KCNA6: variants seen among roughly 807,000 people sequenced by gnomAD.
KCNA6 encodes the protein potassium voltage-gated channel subfamily A member 6, also known as human brain potassium channel-2.
In KCNA6, 17 loss-of-function variants were observed where a neutral mutation model predicts 29.5. The observed-to-expected ratio is 0.58, with a 90% CI of 0.39 to 0.86. The LOEUF (loss-of-function observed/expected upper bound fraction) is 0.86. Among genes scored for constraint, KCNA6 ranks in the 40% least tolerant of loss-of-function variants. The pLI, the probability that KCNA6 is intolerant of heterozygous loss-of-function variation, is 0.00. For synonymous variants in KCNA6, 296 were observed against 304.7 expected (o/e 0.97, Z 0.30); for missense variants, 450 against 703.4 (o/e 0.64, Z 4.07).
Position 4,810,108 on chromosome 12 carries a change from C to T in KCNA6, c.67C>T (p.Gln23Ter). ...GGTCCGTGGGCCGGAGGGAGAGCAA[C>T]AGGATGCGGGAGACTTCCCGGAGGC... The change falls in exon 1 of 1, where the codon CAG (glutamine) becomes TAG (stop). Residue 23 changes from glutamine (Q) to a stop codon, truncating the protein, a stop_gained. Coordinates refer to ENST00000280684, the Ensembl canonical transcript of KCNA6. LOFTEE classifies it high-confidence loss of function. The surrounding 1 kb of genome is among the most constrained non-coding windows in gnomAD (Gnocchi z 7.5). 1 of 1,580,252 alleles carries T rather than the reference C, an allele frequency of 6.3e-7. No homozygotes were observed. The highest frequency in any genetic ancestry group is 8.6e-7 in the Non-Finnish European group (1 of 1,165,380).
downstream of KCNA6, among the ~76,000 whole-genome samples, chr12:4,817,781 T>C (rs1405171956): frequency 6.6e-6 from 1 of 152,206 alleles, no homozygotes; most frequent in African/African-American, 2.4e-5. Flanking sequence ...AACCTCATCA[T>C]TGTTACTCTA....
At chr12:4,827,206 C>CTCCTTCCTTCCCTCCT in the KCNA6 span, among the ~76,000 whole-genome samples, 1 of 113,826 alleles carries the variant, frequency 8.8e-6, no homozygotes, top group African/African-American at 3.5e-5. Context: ...CCTTCCTTCC[C>CTCCTTCCTTCCCTCCT]TCCTTCCTTC....
At chr12:4,825,438 G>A in the KCNA6 span, among the ~76,000 whole-genome samples, 1 of 152,110 alleles carries the variant, frequency 6.6e-6, no homozygotes, top group South Asian at 2.1e-4. Flanking sequence ...TTTTACCACA[G>A]AATCTCCATC....
the KCNA6 span, among the ~76,000 whole-genome samples, chr12:4,823,861 C>T: frequency 6.6e-6 from 1 of 152,194 alleles, no homozygotes; most frequent in Non-Finnish European, 1.5e-5. Flanking sequence ...GTAAGTGATG[C>T]ATTTGCAGGT....
rs1193288500 is a variant in KCNA6, at chr12:4,811,253, G to T, written c.1212G>T (p.Ser404=). The T allele has an allele frequency of 6.2e-7, 1 of 1,614,110 alleles. No individual in the cohort carries two copies. Among genetic ancestry groups the T allele is most frequent in the African/African-American group, 1.3e-5 (1 of 74,952 alleles). The change falls in exon 1 of 1, where the codon TCG becomes TCT. Residue 404 remains serine (S), a synonymous_variant. Transcript: ENST00000280684. This position sits in a 1 kb window ranked among gnomAD's most constrained non-coding sequence, Gnocchi z 7.1. ...TCGCAGAGGCTGACGATGACGATTCGCTTTTTCCCAGCATCCCGGATGCCT... is the reference window on the plus strand; with the variant it reads ...TCGCAGAGGCTGACGATGACGATTCTCTTTTTCCCAGCATCCCGGATGCCT...
chr12:4,833,725 AG>A, the KCNA6 span, among the ~76,000 whole-genome samples: 10 of 152,134 alleles, frequency 6.6e-5, no homozygotes, highest in Non-Finnish European at 1.2e-4. Flanking sequence ...GAAGGCAGGA[AG>A]GGTTGAGCCT....
chr12:4,839,958 A>G, the KCNA6 span, among the ~76,000 whole-genome samples: 2 of 151,912 alleles, frequency 1.3e-5, no homozygotes, highest in Non-Finnish European at 2.9e-5. Context: ...TCTTTTTTAT[A>G]GTTTTCTGAA....
the KCNA6 span, among the ~76,000 whole-genome samples, chr12:4,820,934 A>G: frequency 0.76 from 116,217 of 152,126 alleles, 44,529 homozygotes; most frequent in Middle Eastern, 0.82. Flanking sequence ...ACAGAAGGAA[A>G]CTGTCATAGA....
chr12:4,825,695 A>G, the KCNA6 span, among the ~76,000 whole-genome samples: 12 of 152,388 alleles, frequency 7.9e-5, no homozygotes, highest in South Asian at 2.5e-3. Context: ...GTGATAAAAC[A>G]CATCCTCTTC....
the KCNA6 span, among the ~76,000 whole-genome samples, chr12:4,835,988 G>A: frequency 2.0e-5 from 3 of 148,110 alleles, no homozygotes; most frequent in East Asian, 2.0e-4. Flanking sequence ...TGCCCAGGCT[G>A]GAATGCAATG....
chr12:4,811,488 G>T lies in KCNA6; in HGVS notation c.1447G>T (p.Gly483Trp), dbSNP rs372964376. 6.2e-7 allele frequency: 1 copy of T among 1,614,172 alleles called. No homozygotes were observed. The highest frequency in any genetic ancestry group is 1.1e-5 in the South Asian group (1 of 91,078). Residue 483 changes from glycine (G) to tryptophan (W), a missense_variant, in exon 1 of 1, where the codon GGG becomes TGG. By Grantham distance (184) the Gly-to-Trp change is radical. Transcript: ENST00000280684. This position sits in a 1 kb window ranked among gnomAD's most constrained non-coding sequence, Gnocchi z 7.1. ...AGGCCAGTATACCCACGTCACTTGT[G>T]GGCAGCCTGCGCCGGACCTGAGGGC... is the stretch of plus-strand genomic sequence containing the variant.
the KCNA6 span, among the ~76,000 whole-genome samples, chr12:4,830,482 G>A: frequency 9.3e-4 from 141 of 152,322 alleles, 1 homozygote; most frequent in Admixed American, 2.7e-3. Context: ...CTGCAGTGGT[G>A]AGTCCCACTC....
At chr12:4,814,543 C>T (rs1435334720), downstream of KCNA6, 1 of 167,112 alleles carries the variant, frequency 6.0e-6, no homozygotes, top group Non-Finnish European at 1.5e-5. The surrounding 1 kb of genome is among the most constrained non-coding windows in gnomAD (Gnocchi z 4.6). Context: ...CAAGTGATCC[C>T]TCTCGGACCC....
the KCNA6 span, among the ~76,000 whole-genome samples, chr12:4,829,702 T>A: frequency 1.2e-4 from 17 of 146,098 alleles, no homozygotes; most frequent in Admixed American, 6.1e-4. Flanking sequence ...GTTCAGGATT[T>A]AAAAAAAAAA....
chr12:4,843,276 G>A, the KCNA6 span, among the ~76,000 whole-genome samples: 3 of 151,914 alleles, frequency 2.0e-5, no homozygotes, highest in Admixed American at 6.5e-5. Flanking sequence ...CGCCTCCCGG[G>A]TTCACACCAT....
the KCNA6 span, among the ~76,000 whole-genome samples, chr12:4,838,742 C>G: frequency 6.6e-6 from 1 of 152,206 alleles, no homozygotes; most frequent in African/African-American, 2.4e-5. Context: ...GGTGAGGGCT[C>G]TCTTCCTGGC....
At chr12:4,834,671 A>C in the KCNA6 span, among the ~76,000 whole-genome samples, 12 of 152,288 alleles carry the variant, frequency 7.9e-5, no homozygotes, top group South Asian at 2.5e-3. Context: ...CTTTATTAGT[A>C]TCTAAAGCAG....
At chr12:4,848,949 G>A in the KCNA6 span, among the ~76,000 whole-genome samples, 6 of 151,608 alleles carry the variant, frequency 4.0e-5, no homozygotes, top group African/African-American at 1.5e-4. Context: ...GTGAAACCCC[G>A]TCTCTGCTAA....
Position 4,811,694 on chromosome 12 carries a change from C to T in KCNA6, c.*63C>T. On this transcript the variant is annotated 3_prime_UTR_variant, in exon 1 of 1. Transcript: ENST00000280684. The surrounding 1 kb of genome is among the most constrained non-coding windows in gnomAD (Gnocchi z 7.1). ...CTAACAGTCTCTTAGGCTTCCTTCT[C>T]ATTTCCACTACTCACTCTAGCTTCA... The T allele has an allele frequency of 6.5e-7, 1 of 1,536,294 alleles. No individual in the cohort carries two copies. Among genetic ancestry groups the T allele is most frequent in the Non-Finnish European group, 8.8e-7 (1 of 1,135,344 alleles).
Sources: allele counts gnomAD v4.1 joint callset (sites outside exome capture counted in the v4.1 genomes callset), GRCh38; gene constraint gnomAD v4.1.1; non-coding constraint Gnocchi (gnomAD v3.1); transcripts MANE v1.5; gene names NCBI Gene and HGNC (gene_info 2026-07-23, HGNC 2026-07-21).